UBE2E3: variants seen among roughly 807,000 people sequenced by gnomAD.
UBE2E3 encodes ubiquitin-conjugating enzyme E2 E3.
A neutral mutation model predicts 23.6 loss-of-function variants in UBE2E3; 5 were observed. That is an observed-to-expected ratio of 0.21 (90% CI 0.11 to 0.44). The LOEUF is 0.44. Among genes scored for constraint, UBE2E3 ranks in the 20% least tolerant of loss-of-function variants. The pLI, the probability that UBE2E3 is intolerant of heterozygous loss-of-function variation, is 0.99. For synonymous variants in UBE2E3, 78 were observed against 87.5 expected, an observed-to-expected ratio of 0.89 and a Z score of 0.60; for missense variants, 81 against 249.8, an observed-to-expected ratio of 0.32 and a Z score of 4.55.
intron 3 of UBE2E3, among the ~76,000 whole-genome samples, chr2:181,047,845 T>G (rs1686717483): frequency 6.6e-6 from 1 of 152,178 alleles, no homozygotes; most frequent in Non-Finnish European, 1.5e-5. Flanking sequence ...CTTTGTTGCT[T>G]AAAATCTTTT....
At chr2:181,044,449 A>T (rs559311145) in intron 3 of UBE2E3, among the ~76,000 whole-genome samples, 1 of 152,242 alleles carries the variant, frequency 6.6e-6, no homozygotes, top group South Asian at 2.1e-4. Flanking sequence ...ATCATAAGGG[A>T]TAGAAGTGGA....
At chr2:181,056,406 C>G (rs1686990232) in intron 3 of UBE2E3, among the ~76,000 whole-genome samples, 1 of 151,710 alleles carries the variant, frequency 6.6e-6, no homozygotes, top group African/African-American at 2.4e-5. Context: ...TGATGGGCAT[C>G]TGCATCTGTT....
intron 3 of UBE2E3, among the ~76,000 whole-genome samples, chr2:181,055,198 A>C (rs191635545): frequency 2.0e-5 from 3 of 151,916 alleles, no homozygotes; most frequent in African/African-American, 7.2e-5. Flanking sequence ...TTTTGCTGTC[A>C]AGGAAAGATG....
intron 3 of UBE2E3, among the ~76,000 whole-genome samples, chr2:181,017,246 T>TA (rs1364826408): frequency 2.7e-4 from 41 of 152,222 alleles, no homozygotes; most frequent in Admixed American, 2.7e-3. Flanking sequence ...TAAAGTGGGA[T>TA]ACAGTGGTCA....
chr2:181,019,838 T>C (rs372762079), intron 3 of UBE2E3, among the ~76,000 whole-genome samples: 1 of 147,658 alleles, frequency 6.8e-6, no homozygotes, highest in East Asian at 1.9e-4. Context: ...AATTTTTTTC[T>C]TTTTTTTGTG....
chr2:181,026,951 AT>A lies in UBE2E3; in HGVS notation c.246-30736del, dbSNP rs528527451. 5.3e-3 allele frequency among the ~76,000 whole-genome samples: 802 copies of A among 152,038 alleles called. 9 individuals carry two copies. Among genetic ancestry groups the A allele is most frequent in the African/African-American group, 0.018 (758 of 41,522 alleles). Reference sequence around the variant, plus strand: ...GTTATTCAGGCAATTTGCATTTATAATTTTTTATGTAGATTTTACTAATCAG... The same window carrying A: ...GTTATTCAGGCAATTTGCATTTATAATTTTTATGTAGATTTTACTAATCAG... On this transcript the variant is annotated intron_variant, in intron 3 of 5. Transcript: ENST00000410062.
chr2:180,988,828 C>T (rs377269059), intron 3 of UBE2E3, among the ~76,000 whole-genome samples: 6 of 151,998 alleles, frequency 3.9e-5, no homozygotes, highest in African/African-American at 1.4e-4. Flanking sequence ...TTACTTAATA[C>T]ATTTGATTGT....
At chr2:181,012,992 A>G (rs902106355) in intron 3 of UBE2E3, among the ~76,000 whole-genome samples, 1 of 152,082 alleles carries the variant, frequency 6.6e-6, no homozygotes, top group Non-Finnish European at 1.5e-5. Flanking sequence ...AGACATGCAC[A>G]TTAATTTTTT....
At chr2:181,003,762 C>G (rs1367035634) in intron 3 of UBE2E3, among the ~76,000 whole-genome samples, 2 of 152,304 alleles carry the variant, frequency 1.3e-5, no homozygotes, top group Admixed American at 1.3e-4. Context: ...TGAATTGTTA[C>G]AAGTATCACT....
intron 3 of UBE2E3, among the ~76,000 whole-genome samples, chr2:181,001,779 G>A (rs62180114): frequency 0.23 from 35,378 of 151,918 alleles, 4,479 homozygotes; most frequent in Non-Finnish European, 0.28. Context: ...TGGGGAGGGC[G>A]GAGAGAAAGA....
intron 3 of UBE2E3, among the ~76,000 whole-genome samples, chr2:181,031,121 A>C (rs1300315388): frequency 2.0e-5 from 3 of 152,054 alleles, no homozygotes; most frequent in African/African-American, 7.2e-5. Flanking sequence ...GTGGCCTCTC[A>C]TACTATTTTT....
chr2:181,053,497 T>C (rs1686903004), intron 3 of UBE2E3, among the ~76,000 whole-genome samples: 1 of 151,858 alleles, frequency 6.6e-6, no homozygotes, highest in African/African-American at 2.4e-5. Context: ...TATTTTAATA[T>C]ATAAATATTT....
intron 3 of UBE2E3, among the ~76,000 whole-genome samples, chr2:181,000,008 A>G (rs2105589978): frequency 6.6e-6 from 1 of 152,364 alleles, no homozygotes; most frequent in East Asian, 1.9e-4. Context: ...GCCCACAAAT[A>G]GCAATGATCA....
At chr2:181,008,420 G>A (rs1685216405) in intron 3 of UBE2E3, among the ~76,000 whole-genome samples, 1 of 152,212 alleles carries the variant, frequency 6.6e-6, no homozygotes, top group Non-Finnish European at 1.5e-5. Context: ...CAGGCAGTCT[G>A]GCTCCAGAGT....
chr2:181,034,676 T>TA (rs556829818), intron 3 of UBE2E3, among the ~76,000 whole-genome samples: 4 of 142,636 alleles, frequency 2.8e-5, no homozygotes, highest in African/African-American at 7.5e-5. Flanking sequence ...TAAAGTATAA[T>TA]AAAAAAAATT....
chr2:181,034,801 C>G (rs2105654064), intron 3 of UBE2E3, among the ~76,000 whole-genome samples: 1 of 152,130 alleles, frequency 6.6e-6, no homozygotes, highest in Non-Finnish European at 1.5e-5. Context: ...TTCTAAAGAA[C>G]AAGTTTCCAT....
At chr2:181,061,423 G>A (rs190566031) in intron 5 of UBE2E3, among the ~76,000 whole-genome samples, 3,637 of 150,426 alleles carry the variant, frequency 0.024, 1,528 homozygotes, top group Non-Finnish European at 0.041. Context: ...GCGCCCGGCC[G>A]ACCACTTCTA....
intron 3 of UBE2E3, among the ~76,000 whole-genome samples, chr2:181,052,647 G>A (rs538779885): frequency 1.1e-4 from 16 of 151,778 alleles, no homozygotes; most frequent in Non-Finnish European, 2.1e-4. Context: ...ACTAACATTG[G>A]CTAGTCCTTT....
chr2:180,986,013 C>T (rs969209781), intron 3 of UBE2E3, among the ~76,000 whole-genome samples: 3 of 152,056 alleles, frequency 2.0e-5, no homozygotes, highest in Non-Finnish European at 4.4e-5. Flanking sequence ...TAGGAGGTTT[C>T]ACTTGTCTTT....
Sources: allele counts gnomAD v4.1 joint callset (sites outside exome capture counted in the v4.1 genomes callset), GRCh38; gene constraint gnomAD v4.1.1; transcripts MANE v1.5; gene names NCBI Gene and HGNC (gene_info 2026-07-23, HGNC 2026-07-21).